NDST3: variants seen among roughly 807,000 people sequenced by gnomAD.
NDST3 encodes the protein N-deacetylase and N-sulfotransferase 3.
Under a neutral mutation model 96.1 loss-of-function variants are expected in NDST3, and 58 were observed. The ratio of observed to expected loss-of-function variants is 0.60; its 90% CI spans 0.49 to 0.75. The LOEUF is 0.75. Among genes scored for constraint, NDST3 ranks in the 30% least tolerant of loss-of-function variants. The pLI, the probability that NDST3 is intolerant of heterozygous loss-of-function variation, is 0.00. For missense variants in NDST3, 788 were observed against 1,034.2 expected (o/e 0.76, Z 3.27); for synonymous variants, 333 against 359.7 (o/e 0.93, Z 0.84).
intron 6 of NDST3, among the ~76,000 whole-genome samples, chr4:118,200,040 C>T (rs1282689053): frequency 1.3e-5 from 2 of 152,166 alleles, no homozygotes; most frequent in Non-Finnish European, 2.9e-5. Flanking sequence ...TGTAACCACT[C>T]TTTGGCTACC....
chr4:118,241,986 T>C (rs887234500), intron 11 of NDST3, 54 bp from the exon 12 acceptor site: 23 of 1,298,584 alleles, frequency 1.8e-5, no homozygotes, highest in Non-Finnish European at 2.3e-5. Flanking sequence ...AAATTTTTCA[T>C]TATACAGTTT....
At chr4:118,100,310 A>T (rs942242034) in intron 2 of NDST3, among the ~76,000 whole-genome samples, 2 of 151,938 alleles carry the variant, frequency 1.3e-5, no homozygotes, top group African/African-American at 4.8e-5. Flanking sequence ...TCAAACTGCC[A>T]CTTATACCAT....
intron 6 of NDST3, among the ~76,000 whole-genome samples, chr4:118,172,204 C>T (rs190998333): frequency 6.6e-6 from 1 of 152,166 alleles, no homozygotes; most frequent in East Asian, 1.9e-4. Flanking sequence ...GTAAATAGGA[C>T]AAACACCAGG....
chr4:118,189,977 A>AT (rs1220084639), intron 6 of NDST3, among the ~76,000 whole-genome samples: 1 of 151,956 alleles, frequency 6.6e-6, no homozygotes, highest in Non-Finnish European at 1.5e-5. Flanking sequence ...AATTTTGCCT[A>AT]TTTTTTAGTC....
chr4:118,056,564 C>G lies in NDST3; in HGVS notation c.981+1673C>G, dbSNP rs529981810. Among the ~76,000 whole-genome samples, 5 of 152,088 alleles carry G rather than the reference C, an allele frequency of 3.3e-5. No homozygotes were observed. The East Asian group carries it at 9.7e-4, about 29-fold the overall frequency. ...TGTGTCTCAAAACACTAATTTACTACAGTCAATTGCCCTGAGAGTATAAAC... is the reference window on the plus strand; with the variant it reads ...TGTGTCTCAAAACACTAATTTACTAGAGTCAATTGCCCTGAGAGTATAAAC... On this transcript the variant is annotated intron_variant, in intron 2 of 13. Transcript: ENST00000296499.
intron 10 of NDST3, 77 bp downstream of exon 10, chr4:118,237,297 C>T (rs745464753): frequency 6.1e-6 from 7 of 1,157,016 alleles, no homozygotes; most frequent in African/African-American, 1.6e-5. Flanking sequence ...GCAATACCCA[C>T]TAGCTCAGGT....
At chr4:118,090,523 T>C (rs1728780541) in intron 2 of NDST3, among the ~76,000 whole-genome samples, 1 of 151,944 alleles carries the variant, frequency 6.6e-6, no homozygotes, top group Admixed American at 6.6e-5. Context: ...ACTTTCTTTC[T>C]ATTTACAGCA....
intron 4 of NDST3, among the ~76,000 whole-genome samples, chr4:118,117,002 CCACCT>C (rs1290836756): frequency 6.6e-6 from 1 of 152,152 alleles, no homozygotes; most frequent in Non-Finnish European, 1.5e-5. Flanking sequence ...TCATTCTTAA[CCACCT>C]AAGTGTTAAG....
At chr4:118,055,194 C>CA (rs1052768229) in intron 2 of NDST3, 28 of 334,444 alleles carry the variant, frequency 8.4e-5, no homozygotes, top group Admixed American at 1.4e-4. Flanking sequence ...CTATCTACCT[C>CA]AAAAAAAAGC....
rs533327325 is a variant in NDST3 at position 118,213,898 on chromosome 4, C to A, written c.1540-10593C>A. Among the ~76,000 whole-genome samples the A allele has an allele frequency of 2.2e-4, 34 of 151,960 alleles. No homozygotes were observed. In the East Asian group the frequency reaches 6.6e-3, roughly 29 times the overall value. On this transcript the variant is annotated intron_variant, in intron 6 of 13. Coordinates refer to ENST00000296499, the MANE Select transcript of NDST3 (RefSeq NM_004784.3). Reference sequence around the variant, plus strand: ...CAATTCAACAAATACTTTTCAGTAGCCTATTATGTAATTAAATTAAGTTTA... The same window carrying A: ...CAATTCAACAAATACTTTTCAGTAGACTATTATGTAATTAAATTAAGTTTA...
At chr4:118,193,584 T>C in intron 6 of NDST3, 2 of 1,147,124 alleles carry the variant, frequency 1.7e-6, no homozygotes, top group Non-Finnish European at 2.6e-6. Context: ...TGCCTGCAGA[T>C]CTGCTGCTGG....
At chr4:118,159,581 T>A (rs1734954116) in intron 6 of NDST3, among the ~76,000 whole-genome samples, 1 of 151,874 alleles carries the variant, frequency 6.6e-6, no homozygotes, top group Non-Finnish European at 1.5e-5. Context: ...ACAAAATAAG[T>A]CTCCAGAAAC....
intron 6 of NDST3, among the ~76,000 whole-genome samples, chr4:118,167,096 T>A (rs576942434): frequency 1.0e-3 from 154 of 150,630 alleles, no homozygotes; most frequent in African/African-American, 3.5e-3. Context: ...AAGAGTAAAA[T>A]TATCTCTGTT....
intron 4 of NDST3, among the ~76,000 whole-genome samples, chr4:118,133,345 AG>A (rs1175109837): frequency 3.1e-4 from 47 of 152,270 alleles, no homozygotes; most frequent in African/African-American, 1.1e-3. Context: ...CTGCTATGAC[AG>A]GGTAGTACTG....
At chr4:118,182,668 T>C (rs1736681741) in intron 6 of NDST3, among the ~76,000 whole-genome samples, 1 of 152,170 alleles carries the variant, frequency 6.6e-6, no homozygotes, top group South Asian at 2.1e-4. Flanking sequence ...GCCAACACTT[T>C]GCACTTTCCT....
At chr4:118,241,957 G>A (rs1473207743) in intron 11 of NDST3, 83 bp from the exon 12 acceptor site, 1 of 919,700 alleles carries the variant, frequency 1.1e-6, no homozygotes, top group Non-Finnish European at 1.7e-6. Flanking sequence ...GTCTCTCACT[G>A]AATGAGTTTA....
chr4:118,128,514 C>A (rs1212615536), intron 4 of NDST3, among the ~76,000 whole-genome samples: 4 of 152,018 alleles, frequency 2.6e-5, no homozygotes, highest in Non-Finnish European at 4.4e-5. Flanking sequence ...ATTGAACCAT[C>A]CTCACATCCC....
Position 118,148,982 on chromosome 4 carries a change from G to A in NDST3, c.1539+5298G>A, listed in dbSNP as rs1388297382. On this transcript the variant is annotated intron_variant, in intron 6 of 13. Coordinates refer to ENST00000296499, the MANE Select transcript of NDST3 (RefSeq NM_004784.3). ...TCAGCTTTCTACATATGGCTAGCCA[G>A]TTTTCCCAGCACCATTTATTAAATA... Among the ~76,000 whole-genome samples the A allele has an allele frequency of 3.3e-5, 5 of 152,090 alleles. No individual in the cohort carries two copies. In the East Asian group the frequency reaches 9.6e-4, roughly 29 times the overall value.
At chr4:118,100,030 G>A (rs1262123908) in intron 2 of NDST3, among the ~76,000 whole-genome samples, 6 of 152,004 alleles carry the variant, frequency 3.9e-5, no homozygotes, top group Non-Finnish European at 7.4e-5. Context: ...CTCATCTTAT[G>A]TGTGAACGTA....
Sources: gnomAD v4.1 joint callset for allele counts (sites outside exome capture counted in the v4.1 genomes callset) on GRCh38, gnomAD v4.1.1 for gene constraint, MANE v1.5 for transcripts, NCBI Gene and HGNC (gene_info 2026-07-23, HGNC 2026-07-21) for gene names.